Variants in NUDT12 observed in about 807,000 individuals in gnomAD.
The protein encoded by NUDT12 is NAD-capped RNA hydrolase NUDT12.
In NUDT12, 42 loss-of-function variants were observed where a neutral mutation model predicts 45.7. The observed-to-expected ratio is 0.92, with a 90% CI of 0.72 to 1.19. NUDT12 has a LOEUF of 1.19. NUDT12 is among the 50% of genes most tolerant of loss of function. NUDT12 has a pLI of 0.00. For missense variants in NUDT12, 590 were observed against 533.1 expected (o/e 1.11, Z -1.05); for synonymous variants, 206 against 179.7 (o/e 1.15, Z -1.17).
chr5:103,553,202 ATATAAT>A (rs1201806953), intron 5 of NUDT12, among the ~76,000 whole-genome samples: 2 of 152,072 alleles, frequency 1.3e-5, no homozygotes, highest in African/African-American at 2.4e-5. Context: ...TATAGTAAAA[ATATAAT>A]TATAGACTAG....
rs958190657 is a variant in NUDT12, at chr5:103,548,937, A to T, written c.*1924T>A. The T allele has an allele frequency of 1.3e-5, 2 of 152,138 alleles. No individual in the cohort carries two copies. Among genetic ancestry groups the T allele is most frequent in the African/African-American group, 2.4e-5 (1 of 41,456 alleles). The allele number at this position is 152,138 out of a possible 1,614,324, so 9.4% of individuals were successfully genotyped here. ...CACTATCACATCTACTATTCTTTTG[A>T]ACTGGCCATTCCTTCTATTTACATA... On this transcript the variant is annotated 3_prime_UTR_variant, in exon 7 of 7. Transcript: ENST00000230792.
Position 103,552,188 on chromosome 5 carries a change from TA to T in NUDT12, c.1278+28del, listed in dbSNP as rs759711697. On this transcript the variant is annotated intron_variant, in intron 6 of 6. Coordinates refer to ENST00000230792, the MANE Select transcript of NUDT12 (RefSeq NM_031438.4). ...ACCAATACAGTCAGGGAACAATCAA[TA>T]GAAGAAGGAAATTAAATTGAACTTT... The T allele has an allele frequency of 5.3e-4, 840 of 1,570,798 alleles. 1 individual carries two copies. Among genetic ancestry groups the T allele is most frequent in the Non-Finnish European group, 7.0e-4 (795 of 1,141,318 alleles).
At position 103,552,396 on chromosome 5, in the gene NUDT12, C is replaced by T. The variant is rs1562616931; in HGVS notation, c.1099G>A (p.Val367Ile). Reference sequence around the variant, plus strand: ...CTTTCCTCTTCTACTTCTCTCCTAACAGCATCTTCTATTGTCTCTCCTAAT... The same window carrying T: ...CTTTCCTCTTCTACTTCTCTCCTAATAGCATCTTCTATTGTCTCTCCTAAT... The part of the protein sequence containing the change: ...IEPGETIEDA[V>I]RREVEEESGV... The change falls in exon 6 of 7, where the codon GTT (valine) becomes ATT (isoleucine). Residue 367 changes from valine (V) to isoleucine (I), a missense_variant. Transcript: ENST00000230792. 4 of 1,613,748 alleles carry T rather than the reference C, an allele frequency of 2.5e-6. No individual in the cohort carries two copies. The highest frequency in any genetic ancestry group is 3.4e-6 in the Non-Finnish European group (4 of 1,179,772).
At chr5:103,557,378 C>G (rs934363698) in intron 3 of NUDT12, among the ~76,000 whole-genome samples, 1 of 149,310 alleles carries the variant, frequency 6.7e-6, no homozygotes, top group African/African-American at 2.5e-5. Flanking sequence ...ACATACCACA[C>G]CAGACTTTGA....
chr5:103,559,986 T>C (rs1458901603), intron 2 of NUDT12, 57 bp downstream of exon 2: 4 of 1,222,528 alleles, frequency 3.3e-6, no homozygotes, highest in South Asian at 2.6e-5. Context: ...AAAGTAAATA[T>C]GTAACAAAGA....
chr5:103,561,051 T>C (rs11737902), intron 1 of NUDT12, among the ~76,000 whole-genome samples: 13 of 151,046 alleles, frequency 8.6e-5, no homozygotes, highest in Admixed American at 4.6e-4. Flanking sequence ...CACACTGAGC[T>C]TTTTTTGTCT....
At chr5:103,552,882 T>C (rs1748701692) in intron 5 of NUDT12, among the ~76,000 whole-genome samples, 1 of 152,090 alleles carries the variant, frequency 6.6e-6, no homozygotes, top group Non-Finnish European at 1.5e-5. Flanking sequence ...CATTACAAGA[T>C]TACAAACTAC....
intron 1 of NUDT12, among the ~76,000 whole-genome samples, chr5:103,561,734 T>A (rs951264719): frequency 1.3e-5 from 2 of 152,332 alleles, no homozygotes; most frequent in Admixed American, 6.5e-5. Flanking sequence ...TATAGTTTTT[T>A]CAGCTAGGTT....
chr5:103,562,166 T>G (rs1402072979), intron 1 of NUDT12, among the ~76,000 whole-genome samples: 1 of 152,124 alleles, frequency 6.6e-6, no homozygotes, highest in East Asian at 1.9e-4. Context: ...GGACATAAAT[T>G]TTTAACAAAC....
At chr5:103,553,842 C>G (rs919352210) in intron 5 of NUDT12, among the ~76,000 whole-genome samples, 1 of 151,970 alleles carries the variant, frequency 6.6e-6, no homozygotes, top group African/African-American at 2.4e-5. Flanking sequence ...ACTCAGAAAC[C>G]AACATGCCCA....
At chr5:103,556,345 A>C (rs1407706161) in intron 3 of NUDT12, among the ~76,000 whole-genome samples, 6 of 152,066 alleles carry the variant, frequency 3.9e-5, no homozygotes, top group Non-Finnish European at 7.4e-5. Context: ...TCTATCTTAC[A>C]TCCTATATTA....
chr5:103,555,815 G>T, intron 4 of NUDT12, 116 bp downstream of exon 4: 3 of 636,916 alleles, frequency 4.7e-6, no homozygotes, highest in Non-Finnish European at 5.0e-6. Flanking sequence ...CATTCTTAAT[G>T]GTTAGACATG....
At chr5:103,556,733 C>CA (rs536963246) in intron 3 of NUDT12, among the ~76,000 whole-genome samples, 1 of 151,744 alleles carries the variant, frequency 6.6e-6, no homozygotes, top group Non-Finnish European at 1.5e-5. Context: ...TCTGGTAGTT[C>CA]AAAAAAAGTT....
intron 4 of NUDT12, 24 bp from the exon 5 acceptor site, chr5:103,554,877 C>A (rs759653427): frequency 1.7e-5 from 17 of 1,029,760 alleles, no homozygotes; most frequent in Non-Finnish European, 2.4e-5. Context: ...AAATCAGATA[C>A]ATGAATGGCA....
In NUDT12 at chr5:103,560,170, T is replaced by G. The variant is rs748097669; in HGVS notation, c.79A>C (p.Lys27Gln). The change falls in exon 2 of 7, where the codon AAG becomes CAG. Residue 27 changes from lysine to glutamine, a missense_variant. By Grantham distance (53) the Lys-to-Gln change is moderately conservative. Coordinates refer to ENST00000230792, the MANE Select transcript of NUDT12 (RefSeq NM_031438.4). The part of the protein sequence containing the change: ...HCSAAEGDIA[K>Q]LTGILSHSPS... ...GAATGACTGAGTATTCCTGTTAACT[T>G]GGCAATATCTCCTTCAGCAGCTGAA... The G allele has an allele frequency of 8.1e-6, 13 of 1,613,658 alleles. No individual in the cohort carries two copies. Among genetic ancestry groups the G allele is most frequent in the African/African-American group, 1.3e-5 (1 of 74,918 alleles).
intron 3 of NUDT12, among the ~76,000 whole-genome samples, chr5:103,558,392 C>G (rs1320325554): frequency 6.6e-6 from 1 of 152,068 alleles, no homozygotes. Context: ...AACAAGACTC[C>G]CAACTTTCAC....
At chr5:103,557,280 G>GATATATATATATATATATATATATAT (rs10593905) in intron 3 of NUDT12, among the ~76,000 whole-genome samples, 2 of 118,890 alleles carry the variant, frequency 1.7e-5, no homozygotes, top group Non-Finnish European at 3.5e-5. Flanking sequence ...ATCTTAAAAT[G>GATATATATATATATATATATATATAT]ATATATATAT....
intron 5 of NUDT12, among the ~76,000 whole-genome samples, chr5:103,552,626 CT>C (rs1014480156): frequency 2.0e-5 from 3 of 152,036 alleles, no homozygotes; most frequent in Admixed American, 6.6e-5. Context: ...CAACAATAAA[CT>C]TTTCGTTTTT....
In NUDT12 at chr5:103,559,293, G is replaced by A. The variant is rs750239636; in HGVS notation, c.382C>T (p.Arg128Trp). ...GAATTATTTCTCTTTTCACTTTTCC[G>A]GTCCAGTAGTGTTTTGCTAAAATAA... The part of the protein sequence containing the change: ...ENYFSKTLLD[R>W]KSEKRNNSDW... The change falls in exon 3 of 7, where the codon CGG becomes TGG. Residue 128 changes from arginine (R) to tryptophan (W), a missense_variant. By Grantham distance (101) the Arg-to-Trp change is moderately radical. Coordinates refer to ENST00000230792, the MANE Select transcript of NUDT12 (RefSeq NM_031438.4). 18 of 1,606,694 alleles carry A rather than the reference G, an allele frequency of 1.1e-5. No homozygotes were observed. The East Asian group carries it at 2.9e-4, about 26-fold the overall frequency.
Sources: allele counts gnomAD v4.1 joint callset (sites outside exome capture counted in the v4.1 genomes callset), GRCh38; gene constraint gnomAD v4.1.1; transcripts MANE v1.5; gene names NCBI Gene and HGNC (gene_info 2026-07-23, HGNC 2026-07-21).